Variants in MRPL44 observed in about 807,000 individuals in gnomAD.
The protein encoded by MRPL44 is large ribosomal subunit protein mL44.
A neutral mutation model predicts 25.9 loss-of-function variants in MRPL44; 21 were observed. The observed-to-expected ratio is 0.81, with a 90% CI of 0.58 to 1.17. MRPL44 has a LOEUF of 1.17. Among genes scored for constraint, MRPL44 ranks in the 50% most tolerant of loss-of-function variants. MRPL44 has a pLI of 0.00. For missense variants in MRPL44, 410 were observed against 398.9 expected (o/e 1.03, Z -0.24); for synonymous variants, 169 against 151.0 (o/e 1.12, Z -0.87).
At chr2:223,961,822 A>G (rs1009663740) in intron 2 of MRPL44, among the ~76,000 whole-genome samples, 2 of 152,234 alleles carry the variant, frequency 1.3e-5, no homozygotes, top group Non-Finnish European at 2.9e-5. Context: ...GAAGGAGGCG[A>G]TAGAAGGTAA....
At position 223,959,510 on chromosome 2, in the gene MRPL44, C is replaced by T. The variant is rs553844985; in HGVS notation, c.180-24C>T. ...AGTAACAGGTTGTTCTCTTTACCAT[C>T]TCTTACTGTCTTTACATTTTCAGTT... On this transcript the variant is annotated intron_variant, in intron 1 of 3. Transcript: ENST00000258383. The T allele has an allele frequency of 7.7e-6, 12 of 1,558,256 alleles. No homozygotes were observed. The South Asian group carries it at 1.4e-4, about 19-fold the overall frequency.
the MRPL44 span, among the ~76,000 whole-genome samples, chr2:223,951,478 G>GTTTTTTTTTTTTTTGTTT: frequency 4.4e-5 from 5 of 112,526 alleles, no homozygotes; most frequent in East Asian, 2.5e-4. Flanking sequence ...TTACCTTGGA[G>GTTTTTTTTTTTTTTGTTT]TTTTTTTTTT....
At chr2:223,962,732 C>T (rs1031707317) in intron 2 of MRPL44, among the ~76,000 whole-genome samples, 13 of 151,780 alleles carry the variant, frequency 8.6e-5, no homozygotes, top group African/African-American at 2.9e-4. Context: ...AGAGTCTTGC[C>T]GTGTTGCCCA....
the MRPL44 span, among the ~76,000 whole-genome samples, chr2:223,951,485 T>TTTGTTTTTTTTTTTTTTG: frequency 6.8e-6 from 1 of 146,432 alleles, no homozygotes; most frequent in East Asian, 2.0e-4. Context: ...GGAGTTTTTT[T>TTTGTTTTTTTTTTTTTTG]TTTTTTTTTT....
At chr2:223,956,413 T>C (rs1689563834), upstream of MRPL44, among the ~76,000 whole-genome samples, 1 of 152,202 alleles carries the variant, frequency 6.6e-6, no homozygotes, top group African/African-American at 2.4e-5. Context: ...AGTCATAACA[T>C]GCTTTGTGGT....
chr2:223,956,500 A>T (rs1689565140), upstream of MRPL44, among the ~76,000 whole-genome samples: 1 of 152,196 alleles, frequency 6.6e-6, no homozygotes. Context: ...TACACTAACC[A>T]CGGAAAGAGG....
chr2:223,965,354 A>T (rs1689724993), intron 3 of MRPL44, among the ~76,000 whole-genome samples: 2 of 152,228 alleles, frequency 1.3e-5, no homozygotes, highest in Admixed American at 6.5e-5. Flanking sequence ...TTGTTGTTTT[A>T]TTTGTGTAGC....
Position 223,959,811 on chromosome 2 carries a change from A to G in MRPL44, c.457A>G (p.Ile153Val). The stretch of plus-strand genomic sequence containing the variant: ...GTACCCAGACATGCCCACTGAAGGC[A>G]TAAAAAATCTTGTTGACTTTCTCAC... Reference protein sequence around the residue: ...DEYPDMPTEGIKNLVDFLTGE... With the variant: ...DEYPDMPTEGVKNLVDFLTGE... Residue 153 changes from isoleucine (I) to valine (V), a missense_variant, in exon 2 of 4, where the codon ATA (isoleucine) becomes GTA (valine). Transcript: ENST00000258383. The G allele has an allele frequency of 6.2e-7, 1 of 1,614,250 alleles. No individual in the cohort carries two copies. The highest frequency in any genetic ancestry group is 8.5e-7 in the Non-Finnish European group (1 of 1,180,044).
rs1230563666 is a variant in MRPL44 at position 223,957,524 on chromosome 2, G to C, written c.52G>C (p.Ala18Pro). ...LLQQGHRCLL[A>P]PVAPKLVPPV... Reference sequence around the variant, plus strand: ...GCAGCAGGGACATCGCTGCCTCCTGGCTCCAGTCGCCCCCAAGCTGGTCCC... The same window carrying C: ...GCAGCAGGGACATCGCTGCCTCCTGCCTCCAGTCGCCCCCAAGCTGGTCCC... The change falls in exon 1 of 4, where the codon GCT (alanine) becomes CCT (proline). Residue 18 changes from alanine (A) to proline (P), a missense_variant. By Grantham distance (27) the Ala-to-Pro change is conservative. Coordinates refer to ENST00000258383, the MANE Select transcript of MRPL44 (RefSeq NM_022915.5). 6.2e-7 allele frequency: 1 copy of C among 1,613,958 alleles called. No individual in the cohort carries two copies. The highest frequency in any genetic ancestry group is 2.2e-5 in the East Asian group (1 of 44,888).
chr2:223,952,608 T>C (rs1323056839), upstream of MRPL44, among the ~76,000 whole-genome samples: 2 of 152,212 alleles, frequency 1.3e-5, no homozygotes, highest in East Asian at 3.8e-4. Flanking sequence ...AAAGCCTCCG[T>C]TGTACATATT....
At chr2:223,956,536 G>A (rs16865353), upstream of MRPL44, among the ~76,000 whole-genome samples, 1,147 of 152,296 alleles carry the variant, frequency 7.5e-3, 22 homozygotes, top group African/African-American at 0.026. Context: ...GGTACCTGCA[G>A]TGGAAATAAA....
chr2:223,962,188 A>G (rs370934924), intron 2 of MRPL44, among the ~76,000 whole-genome samples: 1 of 152,122 alleles, frequency 6.6e-6, no homozygotes, highest in East Asian at 1.9e-4. Flanking sequence ...ATGTGTCACT[A>G]TGCCCAGCTA....
chr2:223,961,210 G>A (rs915230019), intron 2 of MRPL44, among the ~76,000 whole-genome samples: 22 of 152,370 alleles, frequency 1.4e-4, no homozygotes, highest in African/African-American at 5.3e-4. Context: ...AGTGAACTTA[G>A]AGGAGGCAAC....
chr2:223,957,564 T>C lies in MRPL44; in HGVS notation c.92T>C (p.Val31Ala). The C allele has an allele frequency of 1.9e-6, 3 of 1,613,856 alleles. No individual in the cohort carries two copies. Among genetic ancestry groups the C allele is most frequent in the Non-Finnish European group, 2.5e-6 (3 of 1,180,004 alleles). Reference sequence around the variant, plus strand: ...AAGCTGGTCCCTCCGGTTCGGGGAGTGAAGAAGGGATTCCGCGCCGCCTTC... The same window carrying C: ...AAGCTGGTCCCTCCGGTTCGGGGAGCGAAGAAGGGATTCCGCGCCGCCTTC... ...APKLVPPVRG[V>A]KKGFRAAFRF... The change falls in exon 1 of 4, where the codon GTG becomes GCG. Residue 31 changes from valine (V) to alanine (A), a missense_variant. Transcript: ENST00000258383.
Position 223,959,942 on chromosome 2 carries a change from T to G in MRPL44, c.588T>G (p.Phe196Leu), listed in dbSNP as rs1021153029. 3.1e-6 allele frequency: 5 copies of G among 1,614,108 alleles called. No homozygotes were observed. The highest frequency in any genetic ancestry group is 4.2e-6 in the Non-Finnish European group (5 of 1,180,046). The part of the protein sequence containing the change: ...VPPAVLQQTF[F>L]AVIGALLQSS... ...CAGCTGTGTTACAGCAGACTTTCTT[T>G]GCAGTTATTGGAGCCCTGTTACAGA... is the stretch of plus-strand genomic sequence containing the variant. The change falls in exon 2 of 4, where the codon TTT becomes TTG. Residue 196 changes from phenylalanine to leucine, a missense_variant. Coordinates refer to ENST00000258383, the MANE Select transcript of MRPL44 (RefSeq NM_022915.5).
chr2:223,957,361 C>T (rs1369365568), upstream of MRPL44: 3 of 1,409,878 alleles, frequency 2.1e-6, no homozygotes, highest in East Asian at 2.4e-5. Context: ...CGGGGGCTGT[C>T]TCCGCCCCAG....
Position 223,963,896 on chromosome 2 carries a change from C to T in MRPL44, c.789C>T (p.Gly263=). Residue 263 remains glycine (G), a synonymous_variant, in exon 3 of 4, where the codon GGC becomes GGT. Transcript: ENST00000258383. ...CAAGACTTACTAGGCAGTCTGGTGG[C>T]ACCACAGCTTTGCCTTTGTATTTTG... ...PESRLTRQSG[G]TTALPLYFVG... The T allele has an allele frequency of 6.2e-7, 1 of 1,613,564 alleles. No individual in the cohort carries two copies.
rs185956325 is a variant in MRPL44, at chr2:223,962,510, G to A, written c.649-1246G>A. On this transcript the variant is annotated intron_variant, in intron 2 of 3. Coordinates refer to ENST00000258383, the MANE Select transcript of MRPL44 (RefSeq NM_022915.5). ...AATGTTTGTTAATACAAGTTAATTG[G>A]AATATGTAAATTGCTGTGGAAATTA... Among the ~76,000 whole-genome samples, 6 of 152,128 alleles carry A rather than the reference G, an allele frequency of 3.9e-5. No homozygotes were observed. The East Asian group carries it at 1.2e-3, about 29-fold the overall frequency.
chr2:223,966,811 CTG>C, intron 3 of MRPL44, 50 bp from the exon 4 acceptor site: 2 of 1,517,026 alleles, frequency 1.3e-6, no homozygotes, highest in Non-Finnish European at 1.8e-6. Flanking sequence ...GCTTTGTGTA[CTG>C]TCTTACAATA....
Sources: gnomAD v4.1 joint callset for allele counts (sites outside exome capture counted in the v4.1 genomes callset) on GRCh38, gnomAD v4.1.1 for gene constraint, MANE v1.5 for transcripts, NCBI Gene and HGNC (gene_info 2026-07-23, HGNC 2026-07-21) for gene names.